GLO1: variants seen among roughly 807,000 people sequenced by gnomAD.
GLO1 encodes glyoxalase I.
Under a neutral mutation model 26.0 loss-of-function variants are expected in GLO1, and 28 were observed. The ratio of observed to expected loss-of-function variants is 1.08; its 90% CI spans 0.80 to 1.48. The LOEUF (loss-of-function observed/expected upper bound fraction) is 1.48, where lower values mean the gene tolerates loss of function less well. Among genes scored for constraint, GLO1 ranks in the 40% most tolerant of loss-of-function variants. GLO1 has a pLI of 0.00. For missense variants in GLO1, 225 were observed against 224.8 expected (o/e 1.00, Z -0.01); for synonymous variants, 78 against 77.6 (o/e 1.00, Z -0.03).
intron 3 of GLO1, chr6:38,683,169 C>CTG: frequency 3.6e-6 from 1 of 275,918 alleles, no homozygotes. Context: ...CTTAAAACAG[C>CTG]TCCATGGGCT....
chr6:38,679,672 G>A (rs1239171473), intron 5 of GLO1, among the ~76,000 whole-genome samples: 1 of 152,048 alleles, frequency 6.6e-6, no homozygotes, highest in African/African-American at 2.4e-5. Context: ...GCATTTGCCT[G>A]TAGTCCCAGC....
intron 5 of GLO1, 103 bp from the exon 6 acceptor site, chr6:38,677,486 G>A: frequency 1.5e-6 from 1 of 653,564 alleles, no homozygotes; most frequent in Admixed American, 2.5e-5. Flanking sequence ...TGTCAGGCTG[G>A]AGTGCATGGG....
intron 1 of GLO1, among the ~76,000 whole-genome samples, chr6:38,697,928 C>T (rs915732442): frequency 6.6e-6 from 1 of 152,094 alleles, no homozygotes; most frequent in Non-Finnish European, 1.5e-5. Flanking sequence ...TAAAGAAAAC[C>T]CTGTCATGTC....
chr6:38,690,495 T>C (rs906546180), intron 1 of GLO1, among the ~76,000 whole-genome samples: 2 of 152,210 alleles, frequency 1.3e-5, no homozygotes, highest in Admixed American at 6.5e-5. Context: ...ATACTAAGTC[T>C]AATGGCATGG....
chr6:38,702,085 C>T (rs1180374108), intron 1 of GLO1, among the ~76,000 whole-genome samples: 1 of 152,112 alleles, frequency 6.6e-6, no homozygotes, highest in African/African-American at 2.4e-5. Context: ...CACCCGCCAC[C>T]ACGCCCAGCT....
chr6:38,689,710 G>A (rs928571642), intron 1 of GLO1, among the ~76,000 whole-genome samples: 5 of 152,150 alleles, frequency 3.3e-5, no homozygotes, highest in African/African-American at 1.2e-4. Context: ...ACTTTGGGGG[G>A]CTGAGACGGG....
chr6:38,701,818 C>T (rs1761703978), intron 1 of GLO1, among the ~76,000 whole-genome samples: 1 of 151,902 alleles, frequency 6.6e-6, no homozygotes, highest in Admixed American at 6.6e-5. Context: ...GCACGAAGCA[C>T]ATATTCAATC....
chr6:38,683,121 C>T (rs1240998399), intron 3 of GLO1: 40 of 452,242 alleles, frequency 8.8e-5, no homozygotes, highest in Non-Finnish European at 3.2e-5. Context: ...TAATAATGCT[C>T]ATTTATTGTG....
Position 38,681,758 on chromosome 6 carries a change from G to A in GLO1, c.466+254C>T, listed in dbSNP as rs572004597. On this transcript the variant is annotated intron_variant, in intron 5 of 5. Coordinates refer to ENST00000373365, the MANE Select transcript of GLO1 (RefSeq NM_006708.3). ...AGAAAGTGGTGGGGTCGGGCAGTGG[G>A]AGAGGAAGCGTAGGGTTTTGATGGC... Among the ~76,000 whole-genome samples the A allele has an allele frequency of 4.6e-5, 7 of 152,326 alleles. No homozygotes were observed. The South Asian group carries it at 1.5e-3, about 32-fold the overall frequency.
intron 1 of GLO1, among the ~76,000 whole-genome samples, chr6:38,689,477 T>C (rs1448923963): frequency 6.6e-6 from 1 of 152,256 alleles, no homozygotes; most frequent in African/African-American, 2.4e-5. Flanking sequence ...CTGTTCACAC[T>C]ATACAGGCTA....
At chr6:38,686,864 T>A (rs761910099) in intron 2 of GLO1, 28 bp downstream of exon 2, 4 of 1,185,032 alleles carry the variant, frequency 3.4e-6, no homozygotes, top group Non-Finnish European at 5.0e-6. Context: ...TATTTAAACA[T>A]TAAGGTGCCA....
At chr6:38,698,683 G>A (rs114637114) in intron 1 of GLO1, among the ~76,000 whole-genome samples, 2,386 of 126,786 alleles carry the variant, frequency 0.019, 55 homozygotes, top group African/African-American at 0.068. Context: ...TTTTTGAGAC[G>A]GAGTCTCTCT....
At chr6:38,695,344 G>A (rs1761594018) in intron 1 of GLO1, among the ~76,000 whole-genome samples, 1 of 151,668 alleles carries the variant, frequency 6.6e-6, no homozygotes, top group Non-Finnish European at 1.5e-5. Context: ...CATATATACA[G>A]ACATACATGT....
chr6:38,692,733 A>G (rs1039947930), intron 1 of GLO1, among the ~76,000 whole-genome samples: 1 of 151,862 alleles, frequency 6.6e-6, no homozygotes, highest in African/African-American at 2.4e-5. Context: ...ACTTAAAAAA[A>G]ATAATGAATG....
intron 1 of GLO1, 107 bp downstream of exon 1, chr6:38,702,864 C>A: frequency 1.5e-6 from 1 of 663,370 alleles, no homozygotes; most frequent in East Asian, 2.8e-5. Context: ...TCCCGTCCGC[C>A]CGAGGCCGGC....
chr6:38,685,175 G>C (rs969527685), intron 2 of GLO1, among the ~76,000 whole-genome samples: 3 of 152,200 alleles, frequency 2.0e-5, no homozygotes, highest in Admixed American at 6.5e-5. Flanking sequence ...TGGGGAGAGA[G>C]AATGGCAGGT....
chr6:38,682,845 C>G lies in GLO1; in HGVS notation c.339G>C (p.Gln113His). The change falls in exon 4 of 6, where the codon CAG (glutamine) becomes CAC (histidine). Residue 113 changes from glutamine to histidine, a missense_variant. By Grantham distance (24) the Gln-to-His change is conservative (BLOSUM62 0). Coordinates refer to ENST00000373365, the MANE Select transcript of GLO1 (RefSeq NM_006708.3). ...HNWGTEDDET[Q>H]SYHNGNSDPR... ...GGTCTGAATTGCCATTGTGGTAACT[C>G]TGGGTCTCATCATCTTCAGTGCCCC... is the stretch of plus-strand genomic sequence containing the variant. The G allele has an allele frequency of 6.2e-7, 1 of 1,606,886 alleles. No individual in the cohort carries two copies. The highest frequency in any genetic ancestry group is 8.5e-7 in the Non-Finnish European group (1 of 1,173,392).
chr6:38,682,155 G>A, intron 4 of GLO1, 54 bp from the exon 5 acceptor site: 1 of 956,386 alleles, frequency 1.0e-6, no homozygotes, highest in Admixed American at 1.7e-5. Context: ...AATTATAACA[G>A]GGTGTCCAAG....
intron 2 of GLO1, among the ~76,000 whole-genome samples, chr6:38,686,075 T>C (rs1000482457): frequency 2.0e-5 from 3 of 152,236 alleles, no homozygotes; most frequent in African/African-American, 7.2e-5. Context: ...AAATATGTCA[T>C]AAATATATTC....
Sources: allele counts gnomAD v4.1 joint callset (sites outside exome capture counted in the v4.1 genomes callset), GRCh38; gene constraint gnomAD v4.1.1; transcripts MANE v1.5; gene names NCBI Gene and HGNC (gene_info 2026-07-23, HGNC 2026-07-21).